FRMD6: variants seen among roughly 807,000 people sequenced by gnomAD.
FRMD6 encodes the protein FERM domain-containing protein 6.
A neutral mutation model predicts 73.2 loss-of-function variants in FRMD6; 37 were observed. That is an observed-to-expected ratio of 0.51 (90% CI 0.39 to 0.66). FRMD6 has a LOEUF of 0.66. Ranked by LOEUF, FRMD6 falls within the 30% of genes least tolerant of loss-of-function variation. FRMD6 has a pLI of 0.00. For missense variants in FRMD6, 714 were observed against 780.5 expected, an observed-to-expected ratio of 0.91 and a Z score of 1.02; for synonymous variants, 273 against 282.2, an observed-to-expected ratio of 0.97 and a Z score of 0.33.
At chr14:51,639,498 TTGTC>T (rs914370540) in intron 2 of FRMD6, among the ~76,000 whole-genome samples, 39 of 152,128 alleles carry the variant, frequency 2.6e-4, no homozygotes, top group Non-Finnish European at 5.6e-4. Context: ...TTTGGGTAAC[TTGTC>T]TGTTTTCTGG....
At chr14:51,699,502 A>T (rs965083216) in intron 3 of FRMD6, among the ~76,000 whole-genome samples, 1 of 152,092 alleles carries the variant, frequency 6.6e-6, no homozygotes, top group Non-Finnish European at 1.5e-5. Context: ...AATTTTTAAG[A>T]TGTCCTTTTT....
At chr14:51,527,599 A>T (rs1310535255) in intron 1 of FRMD6, among the ~76,000 whole-genome samples, 1 of 152,196 alleles carries the variant, frequency 6.6e-6, no homozygotes, top group Non-Finnish European at 1.5e-5. Flanking sequence ...ACCTCCACTG[A>T]ATAACAGGTT....
the FRMD6 span, among the ~76,000 whole-genome samples, chr14:51,424,850 T>A: frequency 6.6e-6 from 1 of 152,230 alleles, no homozygotes; most frequent in South Asian, 2.1e-4. Context: ...ATCACACTTT[T>A]ATCTTTTCTG....
At chr14:51,591,546 A>G (rs984352367) in intron 2 of FRMD6, among the ~76,000 whole-genome samples, 2 of 152,194 alleles carry the variant, frequency 1.3e-5, no homozygotes, top group Admixed American at 1.3e-4. Context: ...AGTACTAAAG[A>G]TTAATTTTAC....
intron 2 of FRMD6, among the ~76,000 whole-genome samples, chr14:51,595,589 C>T (rs1889666933): frequency 6.6e-6 from 1 of 152,150 alleles, no homozygotes; most frequent in Non-Finnish European, 1.5e-5. Flanking sequence ...TGAACCCTGA[C>T]AGCATGAAAT....
At chr14:51,651,669 G>C (rs1892391634), upstream of FRMD6, 2 of 152,044 alleles carry the variant, frequency 1.3e-5, no homozygotes, top group African/African-American at 4.8e-5. Flanking sequence ...GCCCCCAAGT[G>C]GCCGCACCCC....
intron 2 of FRMD6, among the ~76,000 whole-genome samples, chr14:51,614,163 A>G (rs888050381): frequency 7.9e-5 from 12 of 152,184 alleles, no homozygotes; most frequent in Admixed American, 7.2e-4. Context: ...CATGAAACAC[A>G]TCTGCGCTTG....
At chr14:51,477,833 G>A in the FRMD6 span, among the ~76,000 whole-genome samples, 721 of 151,684 alleles carry the variant, frequency 4.8e-3, 6 homozygotes, top group African/African-American at 0.016. Context: ...TCTGTCCCTG[G>A]GGTTCAAGTG....
intron 1 of FRMD6, among the ~76,000 whole-genome samples, chr14:51,508,286 C>T (rs187057374): frequency 6.6e-6 from 1 of 152,238 alleles, no homozygotes; most frequent in East Asian, 1.9e-4. Context: ...TCTAGAAGGC[C>T]CCAGAGGCCG....
At chr14:51,530,486 A>T (rs934971022) in intron 1 of FRMD6, among the ~76,000 whole-genome samples, 2 of 152,050 alleles carry the variant, frequency 1.3e-5, no homozygotes, top group African/African-American at 2.4e-5. Flanking sequence ...TACTATTATT[A>T]TTATTTTAAT....
At chr14:51,440,028 A>C in the FRMD6 span, among the ~76,000 whole-genome samples, 8 of 152,234 alleles carry the variant, frequency 5.3e-5, no homozygotes, top group South Asian at 1.0e-3. Context: ...AAGAACAGCC[A>C]GTTAGAAATG....
At chr14:51,450,674 G>A in the FRMD6 span, among the ~76,000 whole-genome samples, 36 of 152,232 alleles carry the variant, frequency 2.4e-4, no homozygotes, top group African/African-American at 8.2e-4. Flanking sequence ...TTTTGTATGA[G>A]ATCTCATGAT....
chr14:51,543,010 G>A (rs1308984606), intron 1 of FRMD6, among the ~76,000 whole-genome samples: 1 of 151,866 alleles, frequency 6.6e-6, no homozygotes, highest in African/African-American at 2.4e-5. Context: ...TATATAATTT[G>A]CAAATATTTT....
chr14:51,429,743 A>G, the FRMD6 span, among the ~76,000 whole-genome samples: 5 of 152,152 alleles, frequency 3.3e-5, no homozygotes, highest in Admixed American at 3.3e-4. Context: ...TATTTTCCCC[A>G]TCTTATTTTT....
intron 2 of FRMD6, among the ~76,000 whole-genome samples, chr14:51,579,873 G>A (rs561410920): frequency 6.6e-6 from 1 of 152,176 alleles, no homozygotes; most frequent in South Asian, 2.1e-4. Flanking sequence ...ACCACTAAAA[G>A]CAACAATAAA....
intron 2 of FRMD6, among the ~76,000 whole-genome samples, chr14:51,599,058 C>CTTTTTTTTTTTTTTTTTTTTTTTTTTT (rs59151771): frequency 6.9e-5 from 5 of 72,824 alleles, no homozygotes; most frequent in Admixed American, 1.8e-4. Context: ...CAGTATCTGT[C>CTTTTTTTTTTTTTTTTTTTTTTTTTTT]TTTTTTTTTT....
chr14:51,662,844 G>C lies in FRMD6; in HGVS notation c.-147+10848G>C, dbSNP rs138138381. Reference sequence around the variant, plus strand: ...AAGGAAACTGTCAACAGAGTGAACAGACAACCTACAGAATGGAAGAAAATA... The same window carrying C: ...AAGGAAACTGTCAACAGAGTGAACACACAACCTACAGAATGGAAGAAAATA... On this transcript the variant is annotated intron_variant, in intron 1 of 13. Transcript: ENST00000344768. Among the ~76,000 whole-genome samples, 192 of 152,224 alleles carry C rather than the reference G, an allele frequency of 1.3e-3. 1 individual carries two copies. The highest frequency in any genetic ancestry group is 3.8e-3 in the African/African-American group (157 of 41,526).
At chr14:51,493,472 A>G (rs1397939691) in intron 1 of FRMD6, among the ~76,000 whole-genome samples, 2 of 152,144 alleles carry the variant, frequency 1.3e-5, no homozygotes, top group Non-Finnish European at 2.9e-5. Flanking sequence ...GGTTTTATAA[A>G]GGGGAGTTCC....
intron 1 of FRMD6, among the ~76,000 whole-genome samples, chr14:51,662,975 C>T (rs879728793): frequency 4.6e-5 from 7 of 151,974 alleles, no homozygotes; most frequent in Non-Finnish European, 7.4e-5. Flanking sequence ...CATGAACAGA[C>T]ACTTGAAAAG....
Sources: allele counts gnomAD v4.1 joint callset (sites outside exome capture counted in the v4.1 genomes callset), GRCh38; gene constraint gnomAD v4.1.1; transcripts MANE v1.5; gene names NCBI Gene and HGNC (gene_info 2026-07-23, HGNC 2026-07-21).